The following NAT16 variants were observed in gnomAD, a reference collection of about 807,000 sequenced individuals.
NAT16 encodes the protein probable N-acetyltransferase 16.
Under a neutral mutation model 15.9 loss-of-function variants are expected in NAT16, and 16 were observed. The observed-to-expected ratio is 1.01, with a 90% CI of 0.68 to 1.53. The LOEUF is 1.53. NAT16 is among the 40% of genes most tolerant of loss of function. The pLI, the probability that NAT16 is intolerant of heterozygous loss-of-function variation, is 0.00. For missense variants in NAT16, 572 were observed against 508.4 expected (o/e 1.13, Z -1.20); for synonymous variants, 260 against 241.9 (o/e 1.07, Z -0.69).
At chr7:101,173,555 C>T in intron 2 of NAT16, 35 bp from the exon 3 acceptor site, 3 of 1,509,216 alleles carry the variant, frequency 2.0e-6, no homozygotes, top group Admixed American at 2.0e-5. Context: ...GGGCCCTCCC[C>T]GCCTGCGCCC....
In NAT16 at chr7:101,174,581, C is replaced by T; in HGVS notation, c.227G>A (p.Gly76Asp). The T allele has an allele frequency of 6.2e-7, 1 of 1,614,126 alleles. No individual in the cohort carries two copies. The highest frequency in any genetic ancestry group is 1.3e-5 in the African/African-American group (1 of 75,058). The change falls in exon 2 of 4, where the codon GGC becomes GAC. Residue 76 changes from glycine (G) to aspartate (D), a missense_variant. By Grantham distance (94) the Gly-to-Asp change is moderately conservative. Coordinates refer to ENST00000300303, the MANE Select transcript of NAT16 (RefSeq NM_198571.3). ...VLAISGGIYG[G>D]LDYLPSRYHS... ...GTAGCGGCTAGGAAGGTAGTCCAGG[C>T]CGCCGTAGATGCCCCCCGAGATGGC...
In NAT16 at chr7:101,171,926, G is replaced by C; in HGVS notation, c.*153C>G. On this transcript the variant is annotated 3_prime_UTR_variant, in exon 4 of 4. Transcript: ENST00000300303. ...CAAGATAGTAAGGGCAAAAGGGACA[G>C]AGTGGGGGGACCTGCGCCGGTAAGG... is the stretch of plus-strand genomic sequence containing the variant. The C allele has an allele frequency of 1.6e-6, 1 of 612,468 alleles. No homozygotes were observed. The highest frequency in any genetic ancestry group is 2.0e-5 in the South Asian group (1 of 50,782). 37.9% of individuals were successfully genotyped at this position (612,468 alleles called of 1,614,324 possible).
chr7:101,172,205 G>A lies in NAT16; in HGVS notation c.984C>T (p.Asn328=). 6.2e-7 allele frequency: 1 copy of A among 1,613,920 alleles called. No individual in the cohort carries two copies. Among genetic ancestry groups the A allele is most frequent in the Non-Finnish European group, 8.5e-7 (1 of 1,179,950 alleles). ...GCTCCAGGAAGAGCTGGCACATGAC[G>A]TTGAGGCCAACGAGGCGCGGGGCCT... ...QRQAPRLVGL[N]VMCQLFLEPQ... is the part of the protein sequence containing the mutation. Residue 328 remains asparagine (N), a synonymous_variant, in exon 4 of 4, where the codon AAC becomes AAT. Transcript: ENST00000300303. This position sits in a 1 kb window ranked among gnomAD's most constrained non-coding sequence, Gnocchi z 4.2.
At position 101,172,055 on chromosome 7, in the gene NAT16, C is replaced by T; in HGVS notation, c.*24G>A. On this transcript the variant is annotated 3_prime_UTR_variant, in exon 4 of 4. Transcript: ENST00000300303. The surrounding 1 kb of genome is among the most constrained non-coding windows in gnomAD (Gnocchi z 4.2). ...CTGCGGAAGGGGGCGGGTCTTTTTC[C>T]CCCTCCCCGCCAGAGGAGAGGCCTC... 1 of 1,527,058 alleles carries T rather than the reference C, an allele frequency of 6.5e-7. No homozygotes were observed. The highest frequency in any genetic ancestry group is 9.0e-7 in the Non-Finnish European group (1 of 1,115,600). The allele number at this position is 1,527,058 out of a possible 1,614,324, so 94.6% of individuals were successfully genotyped here.
At position 101,170,896 on chromosome 7, in the gene NAT16, C is replaced by T. The variant is rs982842760; in HGVS notation, c.*1183G>A. 1 of 152,234 alleles carries T rather than the reference C, an allele frequency of 6.6e-6. No individual in the cohort carries two copies. Among genetic ancestry groups the T allele is most frequent in the Non-Finnish European group, 1.5e-5 (1 of 68,066 alleles). The allele number at this position is 152,234 out of a possible 1,614,324, so 9.4% of individuals were successfully genotyped here. A position where few individuals can be genotyped will look rare whatever the true frequency, so the allele number is the denominator to read the frequency against. ...GACTTAGAAGTCACTTTGATCTTTC[C>T]CAGCCTTCTGTTTTCTCCCTCTGCC... On this transcript the variant is annotated 3_prime_UTR_variant, in exon 4 of 4. Transcript: ENST00000300303.
intron 3 of NAT16, among the ~76,000 whole-genome samples, chr7:101,173,075 G>C (rs1797372790): frequency 6.6e-6 from 1 of 152,146 alleles, no homozygotes; most frequent in Non-Finnish European, 1.5e-5. Context: ...CCCCGAAGTT[G>C]GGAAGTAAGG....
At chr7:101,174,910 T>C (rs2116729519) in intron 1 of NAT16, 99 bp from the exon 2 acceptor site, 1 of 1,306,634 alleles carries the variant, frequency 7.7e-7, no homozygotes, top group Non-Finnish European at 9.8e-7. Flanking sequence ...CCTACACAAA[T>C]AGCCTTTCTT....
chr7:101,172,082 G>C lies in NAT16; in HGVS notation c.1107C>G (p.Ile369Met). The C allele has an allele frequency of 6.2e-7, 1 of 1,604,334 alleles. No individual in the cohort carries two copies. Among genetic ancestry groups the C allele is most frequent in the East Asian group, 2.2e-5 (1 of 44,614 alleles). Residue 369 changes from isoleucine (I) to methionine (M), a missense_variant, in exon 4 of 4, where the codon ATC (isoleucine) becomes ATG (methionine). Ile to Met is a conservative substitution (Grantham distance 10, BLOSUM62 1). Transcript: ENST00000300303. This position sits in a 1 kb window ranked among gnomAD's most constrained non-coding sequence, Gnocchi z 4.2. ...YTEQYLLEAD[I>M] ...CCTCCCCGCCAGAGGAGAGGCCTCA[G>C]ATGTCGGCCTCCAGCAGGTACTGTT...
In NAT16 at chr7:101,170,622, G is replaced by A. The variant is rs1396744182; in HGVS notation, c.*1457C>T. 6.6e-6 allele frequency: 1 copy of A among 152,488 alleles called. No homozygotes were observed. Among genetic ancestry groups the A allele is most frequent in the Non-Finnish European group, 1.5e-5 (1 of 68,170 alleles). The allele number at this position is 152,488 out of a possible 1,614,324, so 9.4% of individuals were successfully genotyped here. ...TAGCAAAACCAGAGCTGCGGAAAGT[G>A]GCGAAGCGGCGGCTGCCCCTACCCC... On this transcript the variant is annotated 3_prime_UTR_variant, in exon 4 of 4. Coordinates refer to ENST00000300303, the MANE Select transcript of NAT16 (RefSeq NM_198571.3).
chr7:101,172,461 A>G lies in NAT16; in HGVS notation c.728T>C (p.Ile243Thr). ...AGGCCGGTAGGGCTGCCAGTCCTGGATGATGGTCCCGCCTGGAAGCACGTC... is the reference window on the plus strand; with the variant it reads ...AGGCCGGTAGGGCTGCCAGTCCTGGGTGATGGTCCCGCCTGGAAGCACGTC... ...QRDVLPGGTI[I>T]QDWQPYRPSE... is the part of the protein sequence containing the mutation. Residue 243 changes from isoleucine to threonine, a missense_variant, in exon 4 of 4, where the codon ATC becomes ACC. Transcript: ENST00000300303. The surrounding 1 kb of genome is among the most constrained non-coding windows in gnomAD (Gnocchi z 4.2). 1 of 1,601,128 alleles carries G rather than the reference A, an allele frequency of 6.2e-7. No individual in the cohort carries two copies.
At chr7:101,178,943 C>T (rs1797531856) in intron 1 of NAT16, among the ~76,000 whole-genome samples, 1 of 148,588 alleles carries the variant, frequency 6.7e-6, no homozygotes, top group African/African-American at 2.5e-5. Context: ...ATGTCTATCC[C>T]CACATCCTTG....
chr7:101,173,189 G>A, intron 3 of NAT16, 107 bp downstream of exon 3: 6 of 1,045,338 alleles, frequency 5.7e-6, no homozygotes, highest in South Asian at 2.7e-5. Flanking sequence ...GCGCCACTCG[G>A]TAAAGCCCAG....
chr7:101,179,875 C>CT (rs1797554506), intron 1 of NAT16, among the ~76,000 whole-genome samples, 167 bp downstream of exon 1: 1 of 152,030 alleles, frequency 6.6e-6, no homozygotes, highest in African/African-American at 2.4e-5. Flanking sequence ...ACACCTGAAG[C>CT]GCAGCCTCTG....
At chr7:101,176,851 A>G (rs532300363) in intron 1 of NAT16, among the ~76,000 whole-genome samples, 2 of 152,096 alleles carry the variant, frequency 1.3e-5, no homozygotes, top group Non-Finnish European at 2.9e-5. Context: ...GGGCACACAG[A>G]CCAGCTATTC....
At position 101,172,296 on chromosome 7, in the gene NAT16, T is replaced by A. The variant is rs753012590; in HGVS notation, c.893A>T (p.Asn298Ile). Residue 298 changes from asparagine to isoleucine, a missense_variant, in exon 4 of 4, where the codon AAC (asparagine) becomes ATC (isoleucine). By Grantham distance (149) the Asn-to-Ile change is moderately radical (BLOSUM62 -3). Transcript: ENST00000300303. This position sits in a 1 kb window ranked among gnomAD's most constrained non-coding sequence, Gnocchi z 4.2. The part of the protein sequence containing the change: ...HGGDGTWRYL[N>I]IDAFGSDGAQ... ...GCCGTCGCTACCGAAGGCGTCGATG[T>A]TGAGATAGCGCCAAGTGCCGTCCCC... 1.2e-6 allele frequency: 2 copies of A among 1,611,730 alleles called. No homozygotes were observed. Among genetic ancestry groups the A allele is most frequent in the Non-Finnish European group, 1.7e-6 (2 of 1,179,336 alleles).
intron 2 of NAT16, 80 bp downstream of exon 2, chr7:101,174,416 T>C: frequency 6.9e-7 from 1 of 1,455,996 alleles, no homozygotes. Context: ...GGGGAGAAGC[T>C]CTCATCCTCC....
chr7:101,172,616 C>T lies in NAT16; in HGVS notation c.573G>A (p.Leu191=), dbSNP rs1418494628. 6.6e-7 allele frequency: 1 copy of T among 1,525,238 alleles called. No homozygotes were observed. Among genetic ancestry groups the T allele is most frequent in the Non-Finnish European group, 8.7e-7 (1 of 1,144,666 alleles). 94.5% of individuals were successfully genotyped at this position (1,525,238 alleles called of 1,614,324 possible). A position where few individuals can be genotyped will look rare whatever the true frequency, so the allele number is the denominator to read the frequency against. The change falls in exon 4 of 4, where the codon CTG becomes CTA. Residue 191 remains leucine, a synonymous_variant. Coordinates refer to ENST00000300303, the MANE Select transcript of NAT16 (RefSeq NM_198571.3). The surrounding 1 kb of genome is among the most constrained non-coding windows in gnomAD (Gnocchi z 4.2). The part of the protein sequence containing the change: ...ILLVRFNASA[L]LAGLGARLAA... ...CCAGCCGCGCGCCCAGCCCGGCCAG[C>T]AGCGCGGACGCGTTGAATCGGACCA...
chr7:101,173,785 G>A (rs901209470), intron 2 of NAT16: 1 of 505,470 alleles, frequency 2.0e-6, no homozygotes, highest in Admixed American at 3.8e-5. Context: ...GCGCAGTGGT[G>A]CTATCACAGC....
rs747689437 is a variant in NAT16 at position 101,174,565 on chromosome 7, A to T, written c.243T>A (p.Pro81=). The change falls in exon 2 of 4, where the codon CCT becomes CCA. Residue 81 remains proline, a synonymous_variant. Coordinates refer to ENST00000300303, the MANE Select transcript of NAT16 (RefSeq NM_198571.3). ...CCCGGAGCCAGCTGTGGTAGCGGCT[A>T]GGAAGGTAGTCCAGGCCGCCGTAGA... ...GGIYGGLDYL[P]SRYHSWLRDP... 1.2e-6 allele frequency: 2 copies of T among 1,613,728 alleles called. No homozygotes were observed. The highest frequency in any genetic ancestry group is 1.7e-4 in the Middle Eastern group (1 of 6,058).
Sources: gnomAD v4.1 joint callset for allele counts (sites outside exome capture counted in the v4.1 genomes callset) on GRCh38, gnomAD v4.1.1 for gene constraint, Gnocchi (gnomAD v3.1) non-coding constraint, MANE v1.5 for transcripts, NCBI Gene and HGNC (gene_info 2026-07-23, HGNC 2026-07-21) for gene names.